The following PRKCH variants were observed in gnomAD, a reference collection of about 807,000 sequenced individuals.
PRKCH encodes the protein protein kinase C eta, also known as protein kinase C eta type.
Under a neutral mutation model 82.5 loss-of-function variants are expected in PRKCH, and 28 were observed. That is an observed-to-expected ratio of 0.34 (90% CI 0.25 to 0.47). The LOEUF is 0.47. PRKCH is among the 20% of genes least tolerant of loss of function. PRKCH has a pLI of 1.00. For synonymous variants in PRKCH, 322 were observed against 327.4 expected (o/e 0.98, Z 0.18); for missense variants, 705 against 881.8 (o/e 0.80, Z 2.54).
chr14:61,530,163 G>A (rs942312008), intron 11 of PRKCH, among the ~76,000 whole-genome samples: 2 of 151,984 alleles, frequency 1.3e-5, no homozygotes, highest in South Asian at 4.2e-4. Context: ...GGATCTGCAC[G>A]AGCCCATCAC....
intron 1 of PRKCH, among the ~76,000 whole-genome samples, chr14:61,358,113 T>G (rs553329036): frequency 6.6e-6 from 1 of 152,230 alleles, no homozygotes; most frequent in Non-Finnish European, 1.5e-5. Flanking sequence ...TGGATTTGAA[T>G]TGGGGCTCTG....
chr14:61,432,781 C>G (rs1883469195), intron 2 of PRKCH, among the ~76,000 whole-genome samples: 1 of 152,114 alleles, frequency 6.6e-6, no homozygotes, highest in African/African-American at 2.4e-5. Context: ...GCTATATTGT[C>G]CAGACTGGTT....
intron 1 of PRKCH, chr14:61,322,691 G>C: frequency 1.8e-6 from 1 of 556,442 alleles, no homozygotes. Flanking sequence ...TCCCCTTTCA[G>C]GACAGCGGCT....
At chr14:61,199,619 AT>A (rs10717220) in intron 1 of PRKCH, among the ~76,000 whole-genome samples, 52,403 of 150,338 alleles carry the variant, frequency 0.35, 9,734 homozygotes, top group African/African-American at 0.47. Flanking sequence ...TTTTTGTTTC[AT>A]TTTTTTTTTT....
chr14:61,245,169 G>C (rs1177896133), intron 1 of PRKCH, among the ~76,000 whole-genome samples: 2 of 152,154 alleles, frequency 1.3e-5, no homozygotes, highest in Non-Finnish European at 2.9e-5. Flanking sequence ...ATTGGAGCTT[G>C]CAAATCAATT....
chr14:61,204,918 C>T (rs1385298920), intron 1 of PRKCH, among the ~76,000 whole-genome samples: 2 of 151,972 alleles, frequency 1.3e-5, no homozygotes, highest in Non-Finnish European at 2.9e-5. Flanking sequence ...TATTTGTTAC[C>T]ATGTATTATT....
intron 4 of PRKCH, among the ~76,000 whole-genome samples, chr14:61,447,040 A>G (rs1657009354): frequency 1.3e-5 from 2 of 152,242 alleles, no homozygotes; most frequent in Non-Finnish European, 2.9e-5. Flanking sequence ...CCTAAGGCAT[A>G]TAAAACCAAA....
intron 1 of PRKCH, among the ~76,000 whole-genome samples, chr14:61,308,777 T>TATCC (rs1176122456): frequency 2.0e-5 from 3 of 149,862 alleles, no homozygotes; most frequent in African/African-American, 7.6e-5. Flanking sequence ...TACAGGCATT[T>TATCC]GCCACCACAC....
intron 1 of PRKCH, among the ~76,000 whole-genome samples, chr14:61,215,226 C>T (rs1340948015): frequency 6.6e-6 from 1 of 152,132 alleles, no homozygotes; most frequent in East Asian, 1.9e-4. Flanking sequence ...GGAACATTCA[C>T]AACCAGTAGA....
At chr14:61,325,246 GTGA>G (rs1276922777) in intron 1 of PRKCH, among the ~76,000 whole-genome samples, 7 of 152,210 alleles carry the variant, frequency 4.6e-5, no homozygotes, top group Non-Finnish European at 1.0e-4. Flanking sequence ...TCAAGATAAT[GTGA>G]TATTGGAATA....
At chr14:61,435,978 T>A (rs1883660646) in intron 2 of PRKCH, among the ~76,000 whole-genome samples, 1 of 152,130 alleles carries the variant, frequency 6.6e-6, no homozygotes, top group African/African-American at 2.4e-5. Flanking sequence ...GGGGAGAGTT[T>A]GTACTTTGGA....
chr14:61,489,617 C>G (rs1446003637), intron 10 of PRKCH, among the ~76,000 whole-genome samples: 1 of 152,154 alleles, frequency 6.6e-6, no homozygotes, highest in Admixed American at 6.5e-5. Flanking sequence ...GGCCCAGAAA[C>G]CAAGAAGAGT....
rs115856259 is a variant in PRKCH at position 61,368,151 on chromosome 14, C to T, written c.364-23074C>T. Among the ~76,000 whole-genome samples the T allele has an allele frequency of 7.6e-3, 1,163 of 152,052 alleles. 36 individuals carry two copies. Among genetic ancestry groups the T allele is most frequent in the African/African-American group, 0.027 (1,111 of 41,374 alleles). On this transcript the variant is annotated intron_variant, in intron 1 of 13. Coordinates refer to ENST00000332981, the MANE Select transcript of PRKCH (RefSeq NM_006255.5). ...GTCAGAGGAGCCTCTGATTCCCAGC[C>T]GGCTGCTAAGCCCTTCCTTAACCAA... is the stretch of plus-strand genomic sequence containing the variant.
Position 61,475,066 on chromosome 14 carries a change from G to A in PRKCH, c.1279-10436G>A, listed in dbSNP as rs374844472. Among the ~76,000 whole-genome samples, 397 of 152,328 alleles carry A rather than the reference G, an allele frequency of 2.6e-3. 18 individuals are homozygous for A. In the South Asian group the frequency reaches 0.073, roughly 28 times the overall value. On this transcript the variant is annotated intron_variant, in intron 9 of 13. Transcript: ENST00000332981. ...AAGTGTCGAATTCATACATAGATCA[G>A]AGGGAGAAATGAAATTGTGGTTGTC...
At chr14:61,450,611 G>A (rs1207869632) in intron 5 of PRKCH, among the ~76,000 whole-genome samples, 2 of 152,176 alleles carry the variant, frequency 1.3e-5, no homozygotes, top group African/African-American at 2.4e-5. Context: ...TCTCAAAATG[G>A]CAAATGATCT....
At chr14:61,192,556 G>C (rs1230269208) in intron 1 of PRKCH, among the ~76,000 whole-genome samples, 1 of 152,212 alleles carries the variant, frequency 6.6e-6, no homozygotes, top group African/African-American at 2.4e-5. Context: ...AGGTAGGTGT[G>C]TGTAGAGGAG....
chr14:61,504,409 T>C lies in PRKCH; in HGVS notation c.1433+18753T>C, dbSNP rs376838437. On this transcript the variant is annotated intron_variant, in intron 10 of 13. Coordinates refer to ENST00000332981, the MANE Select transcript of PRKCH (RefSeq NM_006255.5). ...CTCACTATATTGGCCAGGCAGGTCT[T>C]GAACTCCTGAATTTAAGTCATCTAC... 2.0e-5 allele frequency among the ~76,000 whole-genome samples: 3 copies of C among 152,250 alleles called. No individual in the cohort carries two copies. The Middle Eastern group carries it at 0.01, about 518-fold the overall frequency.
At chr14:61,506,815 C>T (rs917491615) in intron 10 of PRKCH, among the ~76,000 whole-genome samples, 11 of 152,142 alleles carry the variant, frequency 7.2e-5, no homozygotes, top group African/African-American at 1.9e-4. Context: ...ATGGAGTCTT[C>T]AAATGGAATG....
intron 1 of PRKCH, 22 bp from the exon 2 acceptor site, chr14:61,391,203 A>T: frequency 6.3e-7 from 1 of 1,588,796 alleles, no homozygotes; most frequent in Admixed American, 1.7e-5. Context: ...CATATAATAT[A>T]CATTTTTTTT....
Sources: gnomAD v4.1 joint callset for allele counts (sites outside exome capture counted in the v4.1 genomes callset) on GRCh38, gnomAD v4.1.1 for gene constraint, MANE v1.5 for transcripts, NCBI Gene and HGNC (gene_info 2026-07-23, HGNC 2026-07-21) for gene names.